Variants in PALM2AKAP2 observed in about 807,000 individuals in gnomAD.
PALM2AKAP2 encodes the protein PALM2-AKAP2 fusion protein.
A neutral mutation model predicts 71.5 loss-of-function variants in PALM2AKAP2; 37 were observed. The ratio of observed to expected loss-of-function variants is 0.52; its 90% CI spans 0.40 to 0.68. The LOEUF is 0.68. Among genes scored for constraint, PALM2AKAP2 ranks in the 30% least tolerant of loss-of-function variants. The pLI, the probability that PALM2AKAP2 is intolerant of heterozygous loss-of-function variation, is 0.00. For synonymous variants in PALM2AKAP2, 468 were observed against 478.8 expected (o/e 0.98, Z 0.29); for missense variants, 1,224 against 1,191.8 (o/e 1.03, Z -0.40).
chr9:109,781,889 C>T (rs1193658567), intron 1 of PALM2AKAP2, among the ~76,000 whole-genome samples: 1 of 152,200 alleles, frequency 6.6e-6, no homozygotes, highest in Non-Finnish European at 1.5e-5. Context: ...GGTGGCAAGG[C>T]AGCATGGCCA....
intron 1 of PALM2AKAP2, among the ~76,000 whole-genome samples, chr9:109,792,643 G>A (rs1199579427): frequency 6.6e-6 from 1 of 152,072 alleles, no homozygotes; most frequent in Non-Finnish European, 1.5e-5. Context: ...GAGGGTGGGA[G>A]GGTTGACCAG....
At chr9:109,655,381 C>A (rs1315604458) in intron 1 of PALM2AKAP2, among the ~76,000 whole-genome samples, 1 of 151,356 alleles carries the variant, frequency 6.6e-6, no homozygotes, top group Non-Finnish European at 1.5e-5. Flanking sequence ...TATAGTCCAT[C>A]TTACAAAATA....
chr9:109,839,941 A>T (rs1357973458), intron 1 of PALM2AKAP2, among the ~76,000 whole-genome samples: 1 of 152,232 alleles, frequency 6.6e-6, no homozygotes, highest in Non-Finnish European at 1.5e-5. Flanking sequence ...CATACTACCC[A>T]AAGTAATTTA....
At chr9:110,044,541 G>A (rs532732130), upstream of PALM2AKAP2, among the ~76,000 whole-genome samples, 3 of 151,256 alleles carry the variant, frequency 2.0e-5, no homozygotes, top group African/African-American at 7.3e-5. Flanking sequence ...TAGTAGAGAC[G>A]GGGTTGCACC....
chr9:109,899,120 C>T (rs1014156439), intron 3 of PALM2AKAP2, among the ~76,000 whole-genome samples: 1 of 152,224 alleles, frequency 6.6e-6, no homozygotes, highest in Non-Finnish European at 1.5e-5. Flanking sequence ...CCCATATAGC[C>T]AACTGCCCCC....
rs961993444 is a variant in PALM2AKAP2, at chr9:110,119,216, G to C, written c.157-16911G>C. The stretch of plus-strand genomic sequence containing the variant: ...AAATTAGCTGGGTGTGGTGGTGGGC[G>C]CCTGTAGGCCCAGCTGCTCGGGAGG... On this transcript the variant is annotated intron_variant, in intron 1 of 3. Transcript: ENST00000374525. 3.3e-5 allele frequency among the ~76,000 whole-genome samples: 5 copies of C among 151,776 alleles called. No individual in the cohort carries two copies. In the East Asian group the frequency reaches 7.7e-4, roughly 23 times the overall value.
intron 1 of PALM2AKAP2, among the ~76,000 whole-genome samples, chr9:109,833,456 G>T (rs138849985): frequency 6.6e-6 from 1 of 152,204 alleles, no homozygotes; most frequent in Non-Finnish European, 1.5e-5. Context: ...TGGCCATGGT[G>T]TGTGTTGGCA....
intron 1 of PALM2AKAP2, among the ~76,000 whole-genome samples, chr9:110,131,415 T>G (rs1472331855): frequency 6.6e-6 from 1 of 152,236 alleles, no homozygotes; most frequent in Non-Finnish European, 1.5e-5. Flanking sequence ...TTCCTGGTGA[T>G]TGAATGAATG....
At position 109,896,760 on chromosome 9, in the gene PALM2AKAP2, A is replaced by G. The variant is rs529310395; in HGVS notation, c.257+16079A>G. ...CAGGAGTTTGAGTCTGCAGTGAGCT[A>G]TGATCATGCCAGTGCACTCCAGCCT... is the stretch of plus-strand genomic sequence containing the variant. On this transcript the variant is annotated intron_variant, in intron 3 of 9. Coordinates refer to the PALM2AKAP2 transcript ENST00000302798. 3.3e-5 allele frequency among the ~76,000 whole-genome samples: 5 copies of G among 152,134 alleles called. No individual in the cohort carries two copies. In the South Asian group the frequency reaches 1.0e-3, roughly 32 times the overall value.
At chr9:109,646,976 A>G (rs1827164666) in intron 1 of PALM2AKAP2, among the ~76,000 whole-genome samples, 2 of 152,206 alleles carry the variant, frequency 1.3e-5, no homozygotes, top group African/African-American at 4.8e-5. Context: ...CAATTCAAAT[A>G]TTACGGAAGT....
chr9:109,772,996 T>C (rs1391745893), intron 1 of PALM2AKAP2, among the ~76,000 whole-genome samples: 1 of 152,140 alleles, frequency 6.6e-6, no homozygotes, highest in African/African-American at 2.4e-5. Flanking sequence ...CGGGCGCCTG[T>C]AGTCCTAGCT....
chr9:110,137,736 T>A, exon 2 of PALM2AKAP2: 1 of 1,614,092 alleles, frequency 6.2e-7, no homozygotes, highest in African/African-American at 1.3e-5. Flanking sequence ...ATGGACAACA[T>A]CAGTGACAGC....
chr9:110,136,041 C>A, intron 1 of PALM2AKAP2, 86 bp from the exon 8 acceptor site: 1 of 1,456,956 alleles, frequency 6.9e-7, no homozygotes, highest in Non-Finnish European at 9.1e-7. Flanking sequence ...ATTTTCCTTC[C>A]TCTTAATTAT....
chr9:110,014,981 A>G (rs190462108), intron 6 of PALM2AKAP2, among the ~76,000 whole-genome samples: 1 of 151,394 alleles, frequency 6.6e-6, no homozygotes, highest in Non-Finnish European at 1.5e-5. Context: ...AGATATTTCA[A>G]AACACCACAC....
intron 1 of PALM2AKAP2, among the ~76,000 whole-genome samples, chr9:110,062,992 C>T (rs1833995807): frequency 6.6e-6 from 1 of 152,150 alleles, no homozygotes; most frequent in African/African-American, 2.4e-5. Flanking sequence ...CTTATACAGG[C>T]GCAGTCACCC....
chr9:110,087,653 T>A, intron 1 of PALM2AKAP2, among the ~76,000 whole-genome samples: 1 of 152,234 alleles, frequency 6.6e-6, no homozygotes, highest in East Asian at 1.9e-4. Flanking sequence ...CCAAGCTGCA[T>A]GGATTTCTCT....
At chr9:110,024,087 C>CT (rs926267622) in intron 7 of PALM2AKAP2, among the ~76,000 whole-genome samples, 7 of 152,008 alleles carry the variant, frequency 4.6e-5, no homozygotes, top group Admixed American at 4.6e-4. Context: ...AATTGTAGTT[C>CT]TTTTTTTAAA....
intron 5 of PALM2AKAP2, among the ~76,000 whole-genome samples, chr9:109,928,152 G>C (rs1424564726): frequency 1.3e-5 from 2 of 152,152 alleles, no homozygotes; most frequent in East Asian, 3.8e-4. Context: ...GCCCAGGCTG[G>C]AGTGCAGTGG....
At position 109,924,969 on chromosome 9, in the gene PALM2AKAP2, G is replaced by C. The variant is rs1241498228; in HGVS notation, c.373-92G>C. ...AGTCAAATTCTGGGCTGGGGCATGG[G>C]AGAAAGATGGGTTAAGTCTTTAAAG... On this transcript the variant is annotated intron_variant, in intron 4 of 9. Transcript: ENST00000302798. 3 of 1,588,704 alleles carry C rather than the reference G, an allele frequency of 1.9e-6. No homozygotes were observed. The African/African-American group carries it at 4.1e-5, about 21-fold the overall frequency.
Sources: allele counts gnomAD v4.1 joint callset (sites outside exome capture counted in the v4.1 genomes callset), GRCh38; gene constraint gnomAD v4.1.1; transcripts MANE v1.5; gene names NCBI Gene and HGNC (gene_info 2026-07-23, HGNC 2026-07-21).